The following STK38 variants were observed in gnomAD, a reference collection of about 807,000 sequenced individuals.
STK38 encodes serine/threonine kinase 38.
A neutral mutation model predicts 59.0 loss-of-function variants in STK38; 26 were observed. That is an observed-to-expected ratio of 0.44 (90% CI 0.32 to 0.61). The LOEUF (loss-of-function observed/expected upper bound fraction) is 0.61, where lower values mean the gene tolerates loss of function less well. Among genes scored for constraint, STK38 ranks in the 20% least tolerant of loss-of-function variants. The probability of loss-of-function intolerance (pLI) is 0.04; values close to 1 mark genes in which losing one functional copy is unlikely to be tolerated. For synonymous variants in STK38, 175 were observed against 176.6 expected (o/e 0.99, Z 0.07); for missense variants, 433 against 566.0 (o/e 0.76, Z 2.38).
intron 4 of STK38, among the ~76,000 whole-genome samples, chr6:36,524,103 C>A (rs895996465): frequency 2.0e-5 from 3 of 152,094 alleles, no homozygotes; most frequent in African/African-American, 7.2e-5. Flanking sequence ...CAACTCTCCC[C>A]CTAAGTCAAT....
chr6:36,517,759 C>T lies in STK38; in HGVS notation c.472G>A (p.Asp158Asn), dbSNP rs1204972697. The T allele has an allele frequency of 6.2e-7, 1 of 1,613,994 alleles. No homozygotes were observed. The highest frequency in any genetic ancestry group is 2.2e-5 in the East Asian group (1 of 44,894). ...ATGATTAGGTAGAGGTTTAGCTTAT[C>T]CTGAAAACTATAGAACATTTTCACA... ...WVVKMFYSFQDKLNLYLIMEF... is the reference protein window; with the variant it reads ...WVVKMFYSFQNKLNLYLIMEF... Residue 158 changes from aspartate (D) to asparagine (N), a missense_variant, in exon 6 of 14, where the codon GAT becomes AAT. Physicochemically the swap from Asp to Asn is conservative, Grantham distance 23. Coordinates refer to ENST00000229812, the MANE Select transcript of STK38 (RefSeq NM_007271.4).
At chr6:36,536,494 T>C (rs1051409850) in intron 2 of STK38, among the ~76,000 whole-genome samples, 2 of 152,086 alleles carry the variant, frequency 1.3e-5, no homozygotes, top group Non-Finnish European at 2.9e-5. Context: ...TAGCAAGACC[T>C]TGACTCTAAA....
At chr6:36,533,065 C>T (rs1053667317) in intron 2 of STK38, among the ~76,000 whole-genome samples, 1 of 50,360 alleles carries the variant, frequency 2.0e-5, no homozygotes, top group East Asian at 6.2e-4. Flanking sequence ...GACTCCATCT[C>T]AAAAAAAAAA....
chr6:36,513,607 T>G (rs536823906), intron 7 of STK38, among the ~76,000 whole-genome samples: 14 of 151,874 alleles, frequency 9.2e-5, no homozygotes, highest in African/African-American at 3.4e-4. Context: ...TAAGCCACCA[T>G]GCCCGGCCCC....
At chr6:36,500,992 T>C (rs888359616) in intron 9 of STK38, among the ~76,000 whole-genome samples, 2 of 151,594 alleles carry the variant, frequency 1.3e-5, no homozygotes, top group Non-Finnish European at 2.9e-5. Flanking sequence ...GGGTCTCCCT[T>C]TGTGGGCCCA....
chr6:36,500,259 G>A (rs1776804304), intron 9 of STK38, among the ~76,000 whole-genome samples: 1 of 152,010 alleles, frequency 6.6e-6, no homozygotes, highest in African/African-American at 2.4e-5. Context: ...AATTTACTGA[G>A]CACCCATTAA....
At chr6:36,535,954 A>G (rs902071432) in intron 2 of STK38, among the ~76,000 whole-genome samples, 3 of 152,106 alleles carry the variant, frequency 2.0e-5, no homozygotes, top group Non-Finnish European at 4.4e-5. Context: ...AATTTATAAT[A>G]AAATGCAAAG....
Position 36,507,106 on chromosome 6 carries a change from C to T in STK38, c.772+394G>A, listed in dbSNP as rs1188198291. Among the ~76,000 whole-genome samples, 4 of 152,142 alleles carry T rather than the reference C, an allele frequency of 2.6e-5. 1 individual carries two copies. Among genetic ancestry groups the T allele is most frequent in the East Asian group, 1.9e-4 (1 of 5,194 alleles). ...TGAAATTTTACTACATAGTTGTCAA[C>T]GATTTCATAGTGCTCAAATGGAAGT... On this transcript the variant is annotated intron_variant, in intron 8 of 13. Transcript: ENST00000229812.
chr6:36,524,807 T>A (rs1444599918), intron 3 of STK38, among the ~76,000 whole-genome samples: 1 of 152,218 alleles, frequency 6.6e-6, no homozygotes, highest in East Asian at 1.9e-4. Flanking sequence ...AAAAATGTGT[T>A]CTTATCTTTC....
Position 36,498,473 on chromosome 6 carries a change from G to A in STK38, c.966C>T (p.Phe322=). ...ATGTCTCTTGAGGGGTCTCAGAACA[G>A]AAAGGTGGGTAGCCTGTAATAAAAA... is the stretch of plus-strand genomic sequence containing the variant. ...MYEMLIGYPP[F]CSETPQETYK... The change falls in exon 11 of 14, where the codon TTC becomes TTT. Residue 322 remains phenylalanine, a synonymous_variant. Transcript: ENST00000229812. 1 of 1,611,424 alleles carries A rather than the reference G, an allele frequency of 6.2e-7. No individual in the cohort carries two copies. The highest frequency in any genetic ancestry group is 1.7e-4 in the Middle Eastern group (1 of 6,050).
intron 7 of STK38, among the ~76,000 whole-genome samples, chr6:36,514,098 T>C (rs1231944284): frequency 7.1e-6 from 1 of 141,602 alleles, no homozygotes; most frequent in African/African-American, 2.7e-5. Flanking sequence ...GAGCTTGCAG[T>C]GAGCCGAGAC....
chr6:36,502,626 ACATT>A (rs1179230913), intron 9 of STK38, among the ~76,000 whole-genome samples: 3 of 152,206 alleles, frequency 2.0e-5, no homozygotes, highest in Middle Eastern at 3.2e-3. Context: ...TTAATTACAT[ACATT>A]ATCAAATTAT....
rs776454468 is a variant in STK38 at position 36,521,782 on chromosome 6, C to T, written c.342G>A (p.Val114=). 3.1e-6 allele frequency: 5 copies of T among 1,611,466 alleles called. No homozygotes were observed. The highest frequency in any genetic ancestry group is 3.3e-5 in the Admixed American group (2 of 59,760). Reference sequence around the variant, plus strand: ...CTTTACGGAGTATTTTCATTGCATACACATGTCCCGTATCTTTCTTCTGAA... The same window carrying T: ...CTTTACGGAGTATTTTCATTGCATATACATGTCCCGTATCTTTCTTCTGAA... ...RLVQKKDTGH[V]YAMKILRKAD... Residue 114 remains valine (V), a synonymous_variant, in exon 5 of 14, where the codon GTG becomes GTA. Coordinates refer to ENST00000229812, the MANE Select transcript of STK38 (RefSeq NM_007271.4).
At chr6:36,537,760 A>G (rs60233032) in intron 2 of STK38, among the ~76,000 whole-genome samples, 5,117 of 152,096 alleles carry the variant, frequency 0.034, 297 homozygotes, top group African/African-American at 0.11. Context: ...TTAGCCAAGC[A>G]TGGTGGCATG....
intron 2 of STK38, among the ~76,000 whole-genome samples, chr6:36,528,969 A>G (rs945831945): frequency 2.6e-5 from 4 of 152,108 alleles, no homozygotes; most frequent in African/African-American, 4.8e-5. Flanking sequence ...AGTGAAGTTA[A>G]CTCCTTGAAC....
intron 6 of STK38, among the ~76,000 whole-genome samples, chr6:36,517,410 C>A (rs2127476909): frequency 6.6e-6 from 1 of 152,104 alleles, no homozygotes; most frequent in East Asian, 1.9e-4. Flanking sequence ...ATATATGATT[C>A]CCATTGACAG....
chr6:36,519,619 G>A (rs1363901289), intron 5 of STK38, among the ~76,000 whole-genome samples: 1 of 152,168 alleles, frequency 6.6e-6, no homozygotes, highest in Non-Finnish European at 1.5e-5. Flanking sequence ...CTCATGGTTT[G>A]AAAGTGGAGT....
At chr6:36,537,876 G>A (rs1777833623) in intron 2 of STK38, among the ~76,000 whole-genome samples, 1 of 151,684 alleles carries the variant, frequency 6.6e-6, no homozygotes, top group African/African-American at 2.4e-5. Context: ...ACCAGCCTGG[G>A]CAACAAAACA....
chr6:36,527,827 C>T (rs1180079710), intron 2 of STK38, among the ~76,000 whole-genome samples: 1 of 151,530 alleles, frequency 6.6e-6, no homozygotes, highest in Non-Finnish European at 1.5e-5. Flanking sequence ...TGGCCAGGTG[C>T]GGTGGCTCAC....
Sources: gnomAD v4.1 joint callset for allele counts (sites outside exome capture counted in the v4.1 genomes callset) on GRCh38, gnomAD v4.1.1 for gene constraint, MANE v1.5 for transcripts, NCBI Gene and HGNC (gene_info 2026-07-23, HGNC 2026-07-21) for gene names.